Variants in EEF2KMT observed in about 807,000 individuals in gnomAD.
EEF2KMT encodes the protein protein-lysine N-methyltransferase EEF2KMT.
In EEF2KMT, 30 loss-of-function variants were observed where a neutral mutation model predicts 35.1. The ratio of observed to expected loss-of-function variants is 0.85; its 90% confidence interval spans 0.64 to 1.16. The LOEUF (loss-of-function observed/expected upper bound fraction) is 1.16. Among genes scored for constraint, EEF2KMT ranks in the 50% most tolerant of loss-of-function variants. The pLI is 0.00. For missense variants in EEF2KMT, 499 were observed against 438.2 expected, an observed-to-expected ratio of 1.14 and a Z score of -1.24; for synonymous variants, 190 against 187.7, an observed-to-expected ratio of 1.01 and a Z score of -0.10.
intron 4 of EEF2KMT, 37 bp downstream of exon 4, chr16:5,091,757 C>T (rs1567179952): frequency 1.2e-6 from 2 of 1,610,328 alleles, no homozygotes; most frequent in South Asian, 2.2e-5. Flanking sequence ...GGAAGGGTAT[C>T]TGGGCTGTGA....
intron 4 of EEF2KMT, 62 bp downstream of exon 4, chr16:5,091,732 C>T: frequency 1.2e-6 from 2 of 1,604,440 alleles, no homozygotes; most frequent in African/African-American, 1.3e-5. Flanking sequence ...CCCACGTTTT[C>T]ACTTTGTCTG....
chr16:5,097,524 C>A (rs1395721181), intron 1 of EEF2KMT, 120 bp downstream of exon 1: 3 of 1,484,260 alleles, frequency 2.0e-6, no homozygotes, highest in Non-Finnish European at 2.7e-6. Flanking sequence ...CGGCCCTGAC[C>A]GGCGGGAGCC....
At chr16:5,095,619 G>A (rs1055024483) in intron 1 of EEF2KMT, 105 bp from the exon 2 acceptor site, 19 of 1,558,180 alleles carry the variant, frequency 1.2e-5, no homozygotes, top group Admixed American at 5.2e-5. Context: ...CCCTGGGGAC[G>A]TGGAGCCAGT....
chr16:5,094,357 G>A (rs1049329854), intron 2 of EEF2KMT, among the ~76,000 whole-genome samples: 3 of 152,170 alleles, frequency 2.0e-5, no homozygotes, highest in African/African-American at 7.2e-5. Flanking sequence ...CTGCCTCCTG[G>A]GTTCAAGCGA....
rs35707520 is a variant in EEF2KMT, at chr16:5,091,983, T to G, written c.241-88A>C. 3.8e-6 allele frequency: 6 copies of G among 1,581,598 alleles called. No homozygotes were observed. The Admixed American group carries it at 1.1e-4, about 29-fold the overall frequency. On this transcript the variant is annotated intron_variant, in intron 3 of 7. Coordinates refer to ENST00000427587, the MANE Select transcript of EEF2KMT (RefSeq NM_201400.4). ...ATTTTCACCAAGTTTGGAGGGGAGA[T>G]TTGCGATGGAATGGTATAATACCGG...
chr16:5,093,353 G>A (rs898345446), intron 3 of EEF2KMT, 131 bp downstream of exon 3: 17 of 1,412,798 alleles, frequency 1.2e-5, no homozygotes, highest in Non-Finnish European at 1.5e-5. Flanking sequence ...TGTGGCTGCA[G>A]CCAGTTGCCT....
intron 7 of EEF2KMT, chr16:5,087,164 C>CGAA (rs1171381150): frequency 7.6e-4 from 115 of 152,268 alleles, no homozygotes; most frequent in Non-Finnish European, 1.0e-3. Flanking sequence ...GAAGAAGAAT[C>CGAA]GCCTTGGGCC....
At chr16:5,087,800 CAA>C (rs34399333) in intron 7 of EEF2KMT, among the ~76,000 whole-genome samples, 3,025 of 73,092 alleles carry the variant, frequency 0.041, 37 homozygotes, top group East Asian at 0.19. Context: ...GACTCTGTCT[CAA>C]AAAAAAAAAA....
intron 7 of EEF2KMT, among the ~76,000 whole-genome samples, chr16:5,086,330 G>C (rs1293962086): frequency 4.7e-5 from 2 of 42,414 alleles, no homozygotes; most frequent in African/African-American, 1.5e-4. Context: ...GTGAGACTAA[G>C]TCTCAAAAAA....
intron 7 of EEF2KMT, among the ~76,000 whole-genome samples, chr16:5,086,057 C>T (rs1051976603): frequency 3.9e-5 from 6 of 152,304 alleles, no homozygotes; most frequent in South Asian, 2.1e-4. Context: ...AGAAAGCGGC[C>T]GGGCACAGTG....
intron 2 of EEF2KMT, among the ~76,000 whole-genome samples, chr16:5,093,852 A>T (rs1187156803): frequency 1.3e-5 from 2 of 152,254 alleles, no homozygotes; most frequent in East Asian, 3.8e-4. Flanking sequence ...CAGGGGAGCC[A>T]GTGTGAACCA....
chr16:5,097,412 C>G (rs1957494030), intron 1 of EEF2KMT: 5 of 1,457,400 alleles, frequency 3.4e-6, no homozygotes, highest in Non-Finnish European at 4.5e-6. Flanking sequence ...CGCGTCTGCC[C>G]CCCAAGGCTG....
rs562117136 is a variant in EEF2KMT at position 5,094,297 on chromosome 16, C to T, written c.160-733G>A. On this transcript the variant is annotated intron_variant, in intron 2 of 7. Coordinates refer to ENST00000427587, the MANE Select transcript of EEF2KMT (RefSeq NM_201400.4). ...ATTTATTCTGACACAGAGTCTCGCC[C>T]TGTTGCCCAGGCTGGAGTGCAGTGG... 7.2e-5 allele frequency among the ~76,000 whole-genome samples: 11 copies of T among 152,310 alleles called. No homozygotes were observed. In the South Asian group the frequency reaches 1.9e-3, roughly 26 times the overall value.
At chr16:5,097,556 C>G (rs758016223) in intron 1 of EEF2KMT, 88 bp downstream of exon 1, 52 of 1,513,354 alleles carry the variant, frequency 3.4e-5, no homozygotes, top group Non-Finnish European at 4.2e-5. Context: ...GTGGCGGGAG[C>G]GCCAGGGGCT....
chr16:5,091,866 G>A lies in EEF2KMT; in HGVS notation c.270C>T (p.Asp90=), dbSNP rs1875222. ...KHEAVHTEPL[D]ELYEALAETL... is the part of the protein sequence containing the mutation. ...TCTCCGCCAGCGCTTCATACAGCTC[G>A]TCCAAAGGCTCTGTGTGGACAGCCT... The change falls in exon 4 of 8, where the codon GAC becomes GAT. Residue 90 remains aspartate, a synonymous_variant. Transcript: ENST00000427587. The A allele has an allele frequency of 9.9e-6, 16 of 1,611,826 alleles. No homozygotes were observed. The highest frequency in any genetic ancestry group is 4.0e-5 in the African/African-American group (3 of 74,872).
Position 5,089,271 on chromosome 16 carries a change from T to G in EEF2KMT, c.743-15A>C, listed in dbSNP as rs1567177877. The G allele has an allele frequency of 6.2e-7, 1 of 1,601,552 alleles. No homozygotes were observed. Among genetic ancestry groups the G allele is most frequent in the Non-Finnish European group, 8.5e-7 (1 of 1,179,746 alleles). The stretch of plus-strand genomic sequence containing the variant: ...ATACAGCACATCTATGGTGAAAGCT[T>G]CAGGTTACTGAAAGGGACCAGTGGA... On this transcript the variant is annotated splice_polypyrimidine_tract_variant and intron_variant, in intron 6 of 7. Transcript: ENST00000427587.
rs745864053 is a variant in EEF2KMT, at chr16:5,090,617, C to T, written c.343-52G>A. On this transcript the variant is annotated intron_variant, in intron 4 of 7. Transcript: ENST00000427587. The surrounding 1 kb of genome is among the most constrained non-coding windows in gnomAD (Gnocchi z 4.1). ...AGTCCAGCGATCAGAAGGCAAGTGG[C>T]TTAGAAGACAAGTAGCCCCACCACA... The T allele has an allele frequency of 2.5e-6, 4 of 1,609,598 alleles. No homozygotes were observed. Among genetic ancestry groups the T allele is most frequent in the Non-Finnish European group, 3.4e-6 (4 of 1,178,288 alleles).
Position 5,091,860 on chromosome 16 carries a change from C to A in EEF2KMT, c.276G>T (p.Leu92=). 6.2e-7 allele frequency: 1 copy of A among 1,611,960 alleles called. No individual in the cohort carries two copies. The highest frequency in any genetic ancestry group is 8.5e-7 in the Non-Finnish European group (1 of 1,179,796). ...EAVHTEPLDE[L]YEALAETLMA... is the part of the protein sequence containing the mutation. ...TCAGGGTCTCCGCCAGCGCTTCATA[C>A]AGCTCGTCCAAAGGCTCTGTGTGGA... is the stretch of plus-strand genomic sequence containing the variant. The change falls in exon 4 of 8, where the codon CTG becomes CTT. Residue 92 remains leucine, a synonymous_variant. Coordinates refer to ENST00000427587, the MANE Select transcript of EEF2KMT (RefSeq NM_201400.4).
rs142385356 is a variant in EEF2KMT at position 5,085,668 on chromosome 16, C to G, written c.957G>C (p.Glu319Asp). The G allele has an allele frequency of 3.0e-4, 476 of 1,611,870 alleles. 6 individuals carry two copies. In the African/African-American group the frequency reaches 5.8e-3, roughly 20 times the overall value. ...GATTCAGCATTGCCATCTCCAAGTG[C>G]TCTTCGTAGGGAAACAGTTTCTGCT... is the stretch of plus-strand genomic sequence containing the variant. Reference protein sequence around the residue: ...RHEQKLFPYEEHLEMAMLNLT... With the variant: ...RHEQKLFPYEDHLEMAMLNLT... Residue 319 changes from glutamate to aspartate, a missense_variant, in exon 8 of 8, where the codon GAG becomes GAC. Transcript: ENST00000427587.
Sources: allele counts gnomAD v4.1 joint callset (sites outside exome capture counted in the v4.1 genomes callset), GRCh38; gene constraint gnomAD v4.1.1; non-coding constraint Gnocchi (gnomAD v3.1); transcripts MANE v1.5; gene names NCBI Gene and HGNC (gene_info 2026-07-23, HGNC 2026-07-21).